RBFOX1: variants seen among roughly 807,000 people sequenced by gnomAD.
The protein encoded by RBFOX1 is RNA binding protein fox-1 homolog 1.
RBFOX1 carries 8 observed loss-of-function variants against 57.7 expected under a neutral mutation model. The ratio of observed to expected loss-of-function variants is 0.14; its 90% CI spans 0.08 to 0.25. RBFOX1 has a LOEUF of 0.25. RBFOX1 is among the 10% of genes least tolerant of loss of function. The probability of loss-of-function intolerance (pLI) is 1.00; values close to 1 mark genes in which losing one functional copy is unlikely to be tolerated. For missense variants in RBFOX1, 611 were observed against 548.5 expected (o/e 1.11, Z -1.14); for synonymous variants, 326 against 222.4 (o/e 1.47, Z -4.15).
chr16:5,991,645 G>GTTTCTTTTTTTTTTTTTTT (rs1567229409), intron 4 of RBFOX1, among the ~76,000 whole-genome samples: 2 of 123,934 alleles, frequency 1.6e-5, no homozygotes. Context: ...TTATTAGATA[G>GTTTCTTTTTTTTTTTTTTT]TTTTTTTTTT....
upstream of RBFOX1, among the ~76,000 whole-genome samples, chr16:6,017,439 T>TG (rs2095001841): frequency 1.3e-5 from 2 of 152,188 alleles, no homozygotes; most frequent in Non-Finnish European, 2.9e-5. Context: ...GAACAGTTTC[T>TG]GGGGGAAATG....
intron 2 of RBFOX1, among the ~76,000 whole-genome samples, chr16:6,377,821 C>T (rs926796108): frequency 6.6e-6 from 1 of 152,122 alleles, no homozygotes; most frequent in Non-Finnish European, 1.5e-5. Context: ...CCACACATAA[C>T]AGAATGAAGC....
intron 3 of RBFOX1, among the ~76,000 whole-genome samples, chr16:5,771,189 A>C (rs1040016422): frequency 1.3e-5 from 2 of 152,210 alleles, no homozygotes; most frequent in African/African-American, 4.8e-5. Context: ...CAGCGGGGCT[A>C]CCCCATAGGC....
At chr16:7,695,003 G>C (rs535147375) in intron 14 of RBFOX1, among the ~76,000 whole-genome samples, 4 of 152,084 alleles carry the variant, frequency 2.6e-5, no homozygotes, top group Admixed American at 1.3e-4. Flanking sequence ...TGCCTTATAA[G>C]CAAGTGATCC....
chr16:7,332,672 G>GTCTC (rs911831440), intron 4 of RBFOX1: 4 of 627,162 alleles, frequency 6.4e-6, no homozygotes, highest in Non-Finnish European at 2.2e-6. Flanking sequence ...CTCTCTCTCT[G>GTCTC]TCTCTCTCTC....
At chr16:5,574,549 G>A (rs376589710) in intron 2 of RBFOX1, among the ~76,000 whole-genome samples, 15 of 152,042 alleles carry the variant, frequency 9.9e-5, no homozygotes, top group Admixed American at 2.6e-4. Context: ...CCGAGTAGCT[G>A]GGATTACGGT....
At chr16:6,708,723 C>G (rs1219246254) in intron 3 of RBFOX1, among the ~76,000 whole-genome samples, 1 of 152,180 alleles carries the variant, frequency 6.6e-6, no homozygotes, top group Non-Finnish European at 1.5e-5. Flanking sequence ...TCCCTTCTTG[C>G]CCTAGCCCAT....
rs188418246 is a variant in RBFOX1 at position 7,301,182 on chromosome 16, T to A, written c.28-216965T>A. Among the ~76,000 whole-genome samples, 11 of 152,314 alleles carry A rather than the reference T, an allele frequency of 7.2e-5. No individual in the cohort carries two copies. In the East Asian group the frequency reaches 7.7e-4, roughly 11 times the overall value. On this transcript the variant is annotated intron_variant, in intron 4 of 15. Coordinates refer to ENST00000550418, the MANE Select transcript of RBFOX1 (RefSeq NM_018723.4). The stretch of plus-strand genomic sequence containing the variant: ...TGTGGATATGATGCTACCATTTGAT[T>A]TGGGGTCATTGGATGCCCTATTCCT...
At chr16:6,575,248 C>T (rs1360443318) in intron 2 of RBFOX1, among the ~76,000 whole-genome samples, 6 of 152,098 alleles carry the variant, frequency 3.9e-5, no homozygotes, top group African/African-American at 7.2e-5. Context: ...ATAATTACAT[C>T]CTAGTGTCTA....
intron 1 of RBFOX1, among the ~76,000 whole-genome samples, chr16:6,188,174 A>C (rs1280964001): frequency 6.6e-6 from 1 of 152,164 alleles, no homozygotes; most frequent in African/African-American, 2.4e-5. Flanking sequence ...GTTGGATAAA[A>C]AATCCATATA....
At chr16:6,564,199 C>G (rs2097223109) in intron 2 of RBFOX1, among the ~76,000 whole-genome samples, 1 of 152,048 alleles carries the variant, frequency 6.6e-6, no homozygotes, top group Non-Finnish European at 1.5e-5. Context: ...CCTTGCTTAC[C>G]CTCACTGTGA....
At chr16:6,119,937 A>G (rs1597478001) in intron 1 of RBFOX1, among the ~76,000 whole-genome samples, 2 of 152,202 alleles carry the variant, frequency 1.3e-5, no homozygotes, top group East Asian at 3.9e-4. Flanking sequence ...AGTCACTCTT[A>G]TTCCTTCTCC....
At chr16:5,990,065 A>G (rs1479614138) in intron 4 of RBFOX1, among the ~76,000 whole-genome samples, 1 of 152,110 alleles carries the variant, frequency 6.6e-6, no homozygotes, top group Non-Finnish European at 1.5e-5. Flanking sequence ...GGTTCACTGC[A>G]GCCTCAAACT....
intron 4 of RBFOX1, among the ~76,000 whole-genome samples, chr16:7,068,403 T>C (rs572309730): frequency 1.2e-4 from 19 of 152,276 alleles, no homozygotes; most frequent in Admixed American, 6.5e-4. Flanking sequence ...CATTCAGAAC[T>C]ACCATCCAAG....
At chr16:5,949,817 T>A (rs1441057088) in intron 4 of RBFOX1, among the ~76,000 whole-genome samples, 1 of 152,166 alleles carries the variant, frequency 6.6e-6, no homozygotes, top group African/African-American at 2.4e-5. Flanking sequence ...TCAGAAACTC[T>A]GGAAGTGGGG....
At chr16:5,428,124 GTGTGTGTGTGTGTGTGTGTGTGTA>G (rs1567495848) in intron 1 of RBFOX1, among the ~76,000 whole-genome samples, 3 of 34,156 alleles carry the variant, frequency 8.8e-5, no homozygotes, top group African/African-American at 2.1e-4. Flanking sequence ...GTGTGTGTCT[GTGTGTGTGTGTGTGTGTGTGTGTA>G]TGTGTGTATG....
chr16:5,936,156 C>G (rs1460277859), intron 4 of RBFOX1, among the ~76,000 whole-genome samples: 1 of 152,114 alleles, frequency 6.6e-6, no homozygotes, highest in East Asian at 1.9e-4. Context: ...CAGAGTTTCA[C>G]TCTGTCACCC....
intron 2 of RBFOX1, among the ~76,000 whole-genome samples, chr16:6,460,422 A>G (rs1275696622): frequency 1.3e-5 from 2 of 151,952 alleles, no homozygotes; most frequent in Non-Finnish European, 2.9e-5. Flanking sequence ...AACACCCCAT[A>G]GAAAAGTGGG....
chr16:6,382,189 C>T (rs1596381356), intron 2 of RBFOX1, among the ~76,000 whole-genome samples: 1 of 152,208 alleles, frequency 6.6e-6, no homozygotes, highest in East Asian at 1.9e-4. Context: ...CCTTTTTCCC[C>T]AACCATTTAA....
Sources: allele counts gnomAD v4.1 joint callset (sites outside exome capture counted in the v4.1 genomes callset), GRCh38; gene constraint gnomAD v4.1.1; transcripts MANE v1.5; gene names NCBI Gene and HGNC (gene_info 2026-07-23, HGNC 2026-07-21).